RAF1: variants seen among roughly 807,000 people sequenced by gnomAD.
RAF1 encodes Raf-1 proto-oncogene, serine/threonine kinase.
In RAF1, 27 loss-of-function variants were observed where a neutral mutation model predicts 81.1. The ratio of observed to expected loss-of-function variants is 0.33; its 90% confidence interval spans 0.25 to 0.46. The LOEUF is 0.46. Among genes scored for constraint, RAF1 ranks in the 20% least tolerant of loss-of-function variants. The pLI, the probability that RAF1 is intolerant of heterozygous loss-of-function variation, is 1.00. For missense variants in RAF1, 598 were observed against 826.0 expected, an observed-to-expected ratio of 0.72 and a Z score of 3.38; for synonymous variants, 298 against 294.0, an observed-to-expected ratio of 1.01 and a Z score of -0.14.
chr3:12,614,019 C>T (rs567214503), intron 2 of RAF1, among the ~76,000 whole-genome samples: 1 of 152,208 alleles, frequency 6.6e-6, no homozygotes, highest in East Asian at 1.9e-4. Flanking sequence ...GTGATAGCCT[C>T]CTTAGCTACC....
intron 1 of RAF1, among the ~76,000 whole-genome samples, chr3:12,650,558 T>C (rs1559487118): frequency 6.6e-6 from 1 of 152,152 alleles, no homozygotes; most frequent in South Asian, 2.1e-4. Flanking sequence ...TGCCTCTCTA[T>C]AGACTGTAAC....
Position 12,606,286 on chromosome 3 carries a change from A to T in RAF1, c.595T>A (p.Ser199Thr), listed in dbSNP as rs746679156. 6.2e-7 allele frequency: 1 copy of T among 1,612,546 alleles called. No individual in the cohort carries two copies. The highest frequency in any genetic ancestry group is 8.5e-7 in the Non-Finnish European group (1 of 1,178,640). Residue 199 changes from serine to threonine, a missense_variant, in exon 6 of 18, where the codon TCC (serine) becomes ACC (threonine). Transcript: ENST00000442415. ...GGGACTCCACTATCACCAATAGTGG[A>T]ATTTGGAAACAATCTAAACAAAAGC...
intron 2 of RAF1, 115 bp from the exon 3 acceptor site, chr3:12,612,177 C>T: frequency 2.5e-6 from 2 of 792,138 alleles, no homozygotes; most frequent in Non-Finnish European, 4.4e-6. Context: ...CGCACACACA[C>T]ATATACGAAA....
chr3:12,642,071 C>A (rs1303005661), intron 1 of RAF1, among the ~76,000 whole-genome samples: 2 of 151,942 alleles, frequency 1.3e-5, no homozygotes, highest in African/African-American at 4.8e-5. Flanking sequence ...TTGCTTGAAC[C>A]CAGGAGGCAG....
At chr3:12,608,744 G>C (rs376019827) in intron 5 of RAF1, 22 bp downstream of exon 5, 17 of 1,610,956 alleles carry the variant, frequency 1.1e-5, no homozygotes, top group African/African-American at 1.3e-5. Context: ...TATCTTCCTT[G>C]GATAAAAGAA....
intron 1 of RAF1, among the ~76,000 whole-genome samples, chr3:12,636,978 T>C (rs1169682275): frequency 1.3e-5 from 2 of 152,156 alleles, no homozygotes; most frequent in South Asian, 2.1e-4. Flanking sequence ...GGCAACTCCA[T>C]GGATCTAGGG....
In RAF1 at chr3:12,584,409, C is replaced by G. The variant is rs1030001599; in HGVS notation, c.*105G>C. ...CAGTCTAGAAGGTCCTTAGCAGCAG[C>G]TTCTCTGAAAACATGTGTTCTGCCT... On this transcript the variant is annotated 3_prime_UTR_variant, in exon 18 of 18. Coordinates refer to ENST00000442415, the MANE Select transcript of RAF1 (RefSeq NM_001354689.3). The G allele has an allele frequency of 2.1e-6, 3 of 1,461,528 alleles. No homozygotes were observed. The highest frequency in any genetic ancestry group is 2.9e-6 in the Non-Finnish European group (3 of 1,050,566). The allele number at this position is 1,461,528 out of a possible 1,614,324, so 90.5% of individuals were successfully genotyped here. A position where few individuals can be genotyped will look rare whatever the true frequency, so the allele number is the denominator to read the frequency against.
chr3:12,612,387 G>A (rs1285741475), intron 2 of RAF1, among the ~76,000 whole-genome samples: 13 of 152,246 alleles, frequency 8.5e-5, no homozygotes, highest in African/African-American at 1.9e-4. Flanking sequence ...GGTGGCTCAC[G>A]CCTGTAATCT....
chr3:12,651,596 G>C (rs535463526), intron 1 of RAF1, among the ~76,000 whole-genome samples: 3 of 150,198 alleles, frequency 2.0e-5, no homozygotes, highest in Admixed American at 6.7e-5. Context: ...ATCGGTTGCC[G>C]TGAGCCGAGA....
At chr3:12,643,348 G>T in intron 1 of RAF1, among the ~76,000 whole-genome samples, 1 of 152,142 alleles carries the variant, frequency 6.6e-6, no homozygotes, top group East Asian at 1.9e-4. Flanking sequence ...TTATATAGCA[G>T]GCACAACACT....
At chr3:12,617,622 A>C (rs1380712697) in intron 2 of RAF1, among the ~76,000 whole-genome samples, 1 of 151,298 alleles carries the variant, frequency 6.6e-6, no homozygotes, top group Non-Finnish European at 1.5e-5. Flanking sequence ...GTGGTGTCTC[A>C]TGTTGGTAAT....
intron 12 of RAF1, among the ~76,000 whole-genome samples, chr3:12,591,303 T>C (rs988148604): frequency 2.2e-4 from 34 of 152,234 alleles, no homozygotes; most frequent in African/African-American, 7.5e-4. Context: ...GACTTATTCC[T>C]ACAAGTCTAA....
intron 1 of RAF1, among the ~76,000 whole-genome samples, chr3:12,625,160 T>C (rs2059666737): frequency 1.3e-5 from 2 of 152,122 alleles, no homozygotes; most frequent in Middle Eastern, 3.4e-3. Flanking sequence ...CTCTGCTCAT[T>C]GCAGCCTCCA....
At chr3:12,653,687 T>A (rs531011835) in intron 1 of RAF1, among the ~76,000 whole-genome samples, 1 of 151,746 alleles carries the variant, frequency 6.6e-6, no homozygotes, top group South Asian at 2.1e-4. Context: ...AGAGGAGAGC[T>A]GAGATCATGC....
At chr3:12,623,574 G>A (rs1160716836) in intron 1 of RAF1, among the ~76,000 whole-genome samples, 4 of 152,080 alleles carry the variant, frequency 2.6e-5, no homozygotes, top group Admixed American at 2.0e-4. Flanking sequence ...GAGGCAGATG[G>A]ATCACGAGGT....
intron 1 of RAF1, among the ~76,000 whole-genome samples, chr3:12,627,652 CA>C (rs958972878): frequency 2.0e-5 from 3 of 150,870 alleles, no homozygotes; most frequent in African/African-American, 7.3e-5. Context: ...CTAGGTTCAC[CA>C]AAAAAAAATT....
chr3:12,584,712 T>C (rs908654280), intron 17 of RAF1, 55 bp from the exon 17 acceptor site: 1 of 1,613,486 alleles, frequency 6.2e-7, no homozygotes, highest in Non-Finnish European at 8.5e-7. Context: ...ACACAGGATG[T>C]ACCCTGCCCC....
At chr3:12,636,011 C>T (rs765672350) in intron 1 of RAF1, among the ~76,000 whole-genome samples, 8 of 150,756 alleles carry the variant, frequency 5.3e-5, no homozygotes, top group Non-Finnish European at 7.4e-5. Flanking sequence ...TTAGGCCAGG[C>T]GTGGTGGCTC....
chr3:12,612,692 A>G (rs2059252498), intron 2 of RAF1, among the ~76,000 whole-genome samples: 1 of 151,842 alleles, frequency 6.6e-6, no homozygotes, highest in Non-Finnish European at 1.5e-5. Flanking sequence ...TATATGTTAT[A>G]CAAGTGGAAA....
Sources: gnomAD v4.1 joint callset for allele counts (sites outside exome capture counted in the v4.1 genomes callset) on GRCh38, gnomAD v4.1.1 for gene constraint, MANE v1.5 for transcripts, NCBI Gene and HGNC (gene_info 2026-07-23, HGNC 2026-07-21) for gene names.